Variants in BLTP2 observed in about 807,000 individuals in gnomAD.
The protein encoded by BLTP2 is U937-associated antigen.
chr17:28,631,475 G>A, the BLTP2 span: 48 of 1,613,230 alleles, frequency 3.0e-5, no homozygotes, highest in East Asian at 1.0e-3. Flanking sequence ...GTGTCAGGGA[G>A]TACCTCCTCA....
chr17:28,623,012 T>G, the BLTP2 span, among the ~76,000 whole-genome samples: 1 of 151,916 alleles, frequency 6.6e-6, no homozygotes, highest in Non-Finnish European at 1.5e-5. Context: ...GAGGCAGAGG[T>G]TGCAGTGAGC....
chr17:28,615,100 G>C, the BLTP2 span: 1 of 1,613,818 alleles, frequency 6.2e-7, no homozygotes, highest in Non-Finnish European at 8.5e-7. Context: ...TCTTGCCAGG[G>C]TTCTTGTCGC....
the BLTP2 span, among the ~76,000 whole-genome samples, chr17:28,623,125 A>G: frequency 6.6e-6 from 1 of 152,080 alleles, no homozygotes; most frequent in African/African-American, 2.4e-5. Context: ...CCACACACTT[A>G]GACCTCCCCA....
chr17:28,631,700 CAG>C, the BLTP2 span: 1 of 1,613,446 alleles, frequency 6.2e-7, no homozygotes, highest in African/African-American at 1.3e-5. Flanking sequence ...AAGAGGCACA[CAG>C]AGACCATGCT....
the BLTP2 span, among the ~76,000 whole-genome samples, chr17:28,636,661 C>T: frequency 6.6e-6 from 1 of 151,842 alleles, no homozygotes; most frequent in Non-Finnish European, 1.5e-5. Flanking sequence ...TTTTAAATTC[C>T]ACAAAAAGTT....
At chr17:28,638,326 T>C in the BLTP2 span, 10 of 1,613,866 alleles carry the variant, frequency 6.2e-6, no homozygotes, top group Non-Finnish European at 8.5e-6. Context: ...GCCCGCTGAA[T>C]GTGGGAGTCA....
At chr17:28,615,027 A>C in the BLTP2 span, 2 of 1,573,518 alleles carry the variant, frequency 1.3e-6, no homozygotes, top group African/African-American at 1.4e-5. Context: ...CCTGAGCCAG[A>C]GTCAGATCCT....
chr17:28,629,592 C>T, the BLTP2 span, among the ~76,000 whole-genome samples: 5 of 152,212 alleles, frequency 3.3e-5, no homozygotes, highest in African/African-American at 1.2e-4. Flanking sequence ...ATTCTCCTGC[C>T]TCAGCCTCCC....
chr17:28,634,631 G>C, the BLTP2 span: 3 of 1,614,220 alleles, frequency 1.9e-6, no homozygotes, highest in Non-Finnish European at 2.5e-6. Context: ...TCTACCACAT[G>C]CTCAGGACCA....
the BLTP2 span, chr17:28,643,618 A>G: frequency 1.9e-6 from 3 of 1,613,848 alleles, no homozygotes; most frequent in African/African-American, 1.3e-5. Flanking sequence ...ACGGAAGATC[A>G]TGGCTAAGGA....
At chr17:28,621,349 G>A in the BLTP2 span, 2 of 1,510,678 alleles carry the variant, frequency 1.3e-6, no homozygotes, top group Non-Finnish European at 1.8e-6. Context: ...GTCCCTTTGG[G>A]ATGCACATCT....
At chr17:28,615,938 C>T in the BLTP2 span, 9 of 1,074,106 alleles carry the variant, frequency 8.4e-6, no homozygotes, top group Admixed American at 4.2e-5. Flanking sequence ...ACCTCAGCCT[C>T]GTAATGATGC....
the BLTP2 span, chr17:28,640,552 G>A: frequency 1.9e-6 from 3 of 1,613,870 alleles, no homozygotes; most frequent in African/African-American, 4.0e-5. Context: ...TGTCAGGAGA[G>A]ACCTCACCTC....
At chr17:28,615,944 G>T in the BLTP2 span, 1 of 1,055,428 alleles carries the variant, frequency 9.5e-7, no homozygotes, top group Non-Finnish European at 1.4e-6. Context: ...GCCTCGTAAT[G>T]ATGCTGACTC....
the BLTP2 span, among the ~76,000 whole-genome samples, chr17:28,636,425 C>T: frequency 6.6e-5 from 10 of 152,290 alleles, no homozygotes; most frequent in Admixed American, 1.3e-4. Context: ...CAAAATAACA[C>T]CAGATCATTC....
chr17:28,638,045 AG>A, the BLTP2 span: 2 of 1,614,134 alleles, frequency 1.2e-6, no homozygotes, highest in Non-Finnish European at 1.7e-6. Context: ...ATCAAGAAAA[AG>A]GGTATCTGAC....
At chr17:28,639,356 G>A in the BLTP2 span, 1 of 1,614,116 alleles carries the variant, frequency 6.2e-7, no homozygotes, top group Non-Finnish European at 8.5e-7. Flanking sequence ...TAGACCCTTG[G>A]GTTTCCAGTG....
At chr17:28,626,768 C>T in the BLTP2 span, among the ~76,000 whole-genome samples, 1 of 152,228 alleles carries the variant, frequency 6.6e-6, no homozygotes, top group East Asian at 1.9e-4. Context: ...AAGCTTCCCG[C>T]CACTTCCCAT....
At chr17:28,615,263 G>A in the BLTP2 span, 1 of 1,578,038 alleles carries the variant, frequency 6.3e-7, no homozygotes, top group Non-Finnish European at 8.6e-7. Flanking sequence ...GATTGGAGAG[G>A]AGTAAAAGAA....
Sources: allele counts gnomAD v4.1 joint callset (sites outside exome capture counted in the v4.1 genomes callset), GRCh38; gene constraint gnomAD v4.1.1; transcripts MANE v1.5; gene names NCBI Gene and HGNC (gene_info 2026-07-23, HGNC 2026-07-21).